The following PPP1R12C variants were observed in gnomAD, a reference collection of about 807,000 sequenced individuals.
The protein encoded by PPP1R12C is protein phosphatase 1 regulatory subunit 12C, also known as leukocyte receptor cluster (LRC) encoded novel gene 3.
In PPP1R12C, 48 loss-of-function variants were observed where a neutral mutation model predicts 95.6. That is an observed-to-expected ratio of 0.50 (90% CI 0.40 to 0.64). The LOEUF (loss-of-function observed/expected upper bound fraction) is 0.64. Ranked by LOEUF, PPP1R12C falls within the 30% of genes least tolerant of loss-of-function variation. PPP1R12C has a pLI of 0.00. For synonymous variants in PPP1R12C, 480 were observed against 460.8 expected (o/e 1.04, Z -0.53); for missense variants, 1,057 against 1,083.3 (o/e 0.98, Z 0.34).
In PPP1R12C at chr19:55,112,585, C is replaced by A; in HGVS notation, c.453G>T (p.Arg151Ser). ...TGTTGGCCCCGTGGCTCAGGAGGTA[C>A]CTGGGGGTGGGGGCTGGTCAGGGCT... ...AASCGYLDIARYLLSHGANIA... is the reference protein window; with the variant it reads ...AASCGYLDIASYLLSHGANIA... The change falls in exon 3 of 22, where the codon AGG becomes AGT. Residue 151 changes from arginine (R) to serine (S), a missense_variant and splice_region_variant. This residue lies in a region of PPP1R12C where 282 missense variants were observed against 380.4 expected (regional missense o/e 0.74). Coordinates refer to ENST00000263433, the MANE Select transcript of PPP1R12C (RefSeq NM_017607.4). 6.2e-7 allele frequency: 1 copy of A among 1,613,194 alleles called. No individual in the cohort carries two copies. The highest frequency in any genetic ancestry group is 8.5e-7 in the Non-Finnish European group (1 of 1,179,596).
chr19:55,111,808 T>G (rs1266350746), intron 3 of PPP1R12C: 1 of 152,214 alleles, frequency 6.6e-6, no homozygotes, highest in Non-Finnish European at 1.5e-5. Context: ...CCAGTGGTCC[T>G]GTTTTAGGAA....
At chr19:55,092,914 C>G (rs748266052) in intron 15 of PPP1R12C, 46 bp from the exon 16 acceptor site, 1 of 1,595,314 alleles carries the variant, frequency 6.3e-7, no homozygotes, top group South Asian at 1.1e-5. Context: ...AGAGCCCCCT[C>G]TCGGTGCCTG....
chr19:55,093,074 G>C lies in PPP1R12C; in HGVS notation c.1767C>G (p.Asp589Glu). ...CAGGGACGCGGGGCCTTCGGGAAGG[G>C]TCCTGTCGGGAGGGGGAGGCGAGTC... ...PESEKPAQSL[D>E]PSRRPRVPGV... The change falls in exon 15 of 22, where the codon GAC becomes GAG. Residue 589 changes from aspartate to glutamate, a missense_variant and splice_region_variant. Transcript: ENST00000263433. 1.9e-6 allele frequency: 3 copies of C among 1,607,266 alleles called. No homozygotes were observed. Among genetic ancestry groups the C allele is most frequent in the Non-Finnish European group, 2.5e-6 (3 of 1,177,538 alleles).
chr19:55,113,188 G>C (rs2085116887), intron 1 of PPP1R12C: 5 of 492,104 alleles, frequency 1.0e-5, no homozygotes, highest in Non-Finnish European at 1.8e-5. Flanking sequence ...CTCCTTCAGA[G>C]CCAGGAGTCC....
chr19:55,112,336 T>C (rs2085105124), intron 3 of PPP1R12C, 131 bp downstream of exon 3: 3 of 800,024 alleles, frequency 3.7e-6, no homozygotes, highest in South Asian at 3.6e-5. Flanking sequence ...GTGAGGAAAC[T>C]GAGGCACAAA....
rs746830894 is a variant in PPP1R12C, at chr19:55,094,738, C to T, written c.1515G>A (p.Pro505=). ...LENSSPPSRI[P]EPESPAKPNV... ...TTGGCTTCGCTGGGGATTCAGGCTC[C>T]GGAATCCTGGAGGGAGGCGAGGAGT... The change falls in exon 12 of 22, where the codon CCG becomes CCA. Residue 505 remains proline, a synonymous_variant. Coordinates refer to ENST00000263433, the MANE Select transcript of PPP1R12C (RefSeq NM_017607.4). 10 of 1,609,616 alleles carry T rather than the reference C, an allele frequency of 6.2e-6. No individual in the cohort carries two copies. Among genetic ancestry groups the T allele is most frequent in the Non-Finnish European group, 7.6e-6 (9 of 1,178,904 alleles).
intron 6 of PPP1R12C, among the ~76,000 whole-genome samples, chr19:55,097,824 C>A (rs73060927): frequency 1.3e-5 from 2 of 152,132 alleles, no homozygotes; most frequent in Non-Finnish European, 2.9e-5. Flanking sequence ...CATATCTGGG[C>A]CCCCTGAGCT....
At chr19:55,106,522 T>C (rs1321256105) in intron 3 of PPP1R12C, among the ~76,000 whole-genome samples, 4 of 152,140 alleles carry the variant, frequency 2.6e-5, no homozygotes, top group Non-Finnish European at 4.4e-5. Context: ...CCTCCAAGGG[T>C]AACTCCCCCT....
At chr19:55,091,751 G>C (rs1395041283) in intron 20 of PPP1R12C, 51 bp from the exon 21 acceptor site, 4 of 1,612,890 alleles carry the variant, frequency 2.5e-6, no homozygotes, top group Non-Finnish European at 3.4e-6. Flanking sequence ...AGGAGGGCAG[G>C]GGAAGGCCAG....
rs1329379044 is a variant in PPP1R12C at position 55,094,653 on chromosome 19, C to A, written c.1592+8G>T. The A allele has an allele frequency of 1.9e-6, 3 of 1,579,834 alleles. No individual in the cohort carries two copies. Among genetic ancestry groups the A allele is most frequent in the Non-Finnish European group, 2.6e-6 (3 of 1,168,156 alleles). On this transcript the variant is annotated splice_region_variant and intron_variant, in intron 12 of 21. Coordinates refer to ENST00000263433, the MANE Select transcript of PPP1R12C (RefSeq NM_017607.4). ...GGGGGCGGCAGCTTCCTGCCCTGGC[C>A]TCTTCACCTCCGTCGGTCCCGGGAG...
At position 55,117,600 on chromosome 19, in the gene PPP1R12C, ACCCGCCCGCCCG is replaced by A. The variant is rs567100009; in HGVS notation, c.-69_-58del. 1.6e-4 allele frequency: 142 copies of A among 879,484 alleles called. No individual in the cohort carries two copies. Among genetic ancestry groups the A allele is most frequent in the Middle Eastern group, 5.9e-4 (1 of 1,694 alleles). 54.5% of individuals were successfully genotyped at this position (879,484 alleles called of 1,614,324 possible). A position where few individuals can be genotyped will look rare whatever the true frequency, so the allele number is the denominator to read the frequency against. On this transcript the variant is annotated 5_prime_UTR_variant, in exon 1 of 22. Transcript: ENST00000263433. Reference sequence around the variant, plus strand: ...GCGCCGAGCCCCAACCGCCGCCACCACCCGCCCGCCCGCCCGCCCCGGGGGCCGCCGGGAACT... The same window carrying A: ...GCGCCGAGCCCCAACCGCCGCCACCACCCGCCCCGGGGGCCGCCGGGAACT...
At chr19:55,115,080 G>A (rs573684309) in intron 1 of PPP1R12C, 9 of 152,084 alleles carry the variant, frequency 5.9e-5, no homozygotes, top group Non-Finnish European at 1.3e-4. Context: ...TTAGGGAAGC[G>A]GGACCCTGCT....
chr19:55,098,360 C>T (rs1274897713), intron 6 of PPP1R12C, among the ~76,000 whole-genome samples: 1 of 152,250 alleles, frequency 6.6e-6, no homozygotes, highest in Non-Finnish European at 1.5e-5. Flanking sequence ...CCAAGGCTCA[C>T]GCCCTTCACT....
intron 3 of PPP1R12C, among the ~76,000 whole-genome samples, 157 bp from the exon 4 acceptor site, chr19:55,103,725 T>C (rs1055809093): frequency 6.6e-6 from 1 of 152,176 alleles, no homozygotes; most frequent in African/African-American, 2.4e-5. Flanking sequence ...AGCCCAGTTG[T>C]TTCCCAACTG....
At chr19:55,096,421 C>T in intron 6 of PPP1R12C, 86 bp from the exon 7 acceptor site, 1 of 1,482,858 alleles carries the variant, frequency 6.7e-7, no homozygotes, top group Non-Finnish European at 9.4e-7. Flanking sequence ...TGCAGGAGCT[C>T]ACTGCCCAGG....
At position 55,091,644 on chromosome 19, in the gene PPP1R12C, C is replaced by T. The variant is rs761990197; in HGVS notation, c.2262+6G>A. The T allele has an allele frequency of 3.7e-6, 6 of 1,611,584 alleles. No homozygotes were observed. The highest frequency in any genetic ancestry group is 4.2e-6 in the Non-Finnish European group (5 of 1,179,182). On this transcript the variant is annotated splice_donor_region_variant and intron_variant, in intron 21 of 21. Coordinates refer to ENST00000263433, the MANE Select transcript of PPP1R12C (RefSeq NM_017607.4). The stretch of plus-strand genomic sequence containing the variant: ...GCCCTCTGCCCACAGCCCCCACAGC[C>T]CCCACCTTCAGCTCCTCCTCCAGCT...
intron 3 of PPP1R12C, chr19:55,111,786 C>T (rs1280402317): frequency 6.6e-6 from 1 of 152,348 alleles, no homozygotes; most frequent in East Asian, 1.9e-4. Context: ...ACAACCACCC[C>T]ATGAAGCGGC....
chr19:55,105,738 T>TG (rs2085031426), intron 3 of PPP1R12C, among the ~76,000 whole-genome samples: 1 of 152,106 alleles, frequency 6.6e-6, no homozygotes, highest in Admixed American at 6.5e-5. Context: ...TTGAGCCCAC[T>TG]AGTTTGAGAA....
chr19:55,105,443 T>A (rs2085027919), intron 3 of PPP1R12C, among the ~76,000 whole-genome samples: 2 of 152,160 alleles, frequency 1.3e-5, no homozygotes, highest in Admixed American at 6.5e-5. Context: ...GTCAGAAAGC[T>A]ATAGCTTGTG....
Sources: gnomAD v4.1 joint callset for allele counts (sites outside exome capture counted in the v4.1 genomes callset) on GRCh38, gnomAD v4.1.1 for gene constraint, gnomAD v4.1.1 regional missense constraint, MANE v1.5 for transcripts, NCBI Gene and HGNC (gene_info 2026-07-23, HGNC 2026-07-21) for gene names.